AP1B1: variants seen among roughly 807,000 people sequenced by gnomAD.
AP1B1 encodes adaptor related protein complex 1 subunit beta 1, also known as AP-1 complex subunit beta-1.
AP1B1 carries 36 observed loss-of-function variants against 104.3 expected under a neutral mutation model. That is an observed-to-expected ratio of 0.35 (90% CI 0.26 to 0.46). The LOEUF (loss-of-function observed/expected upper bound fraction) is 0.46. Among genes scored for constraint, AP1B1 ranks in the 20% least tolerant of loss-of-function variants. The probability of loss-of-function intolerance (pLI) is 1.00; values close to 1 mark genes in which losing one functional copy is unlikely to be tolerated. For missense variants in AP1B1, 901 were observed against 1,247.9 expected (o/e 0.72, Z 4.19); for synonymous variants, 504 against 517.5 (o/e 0.97, Z 0.35).
Position 29,340,822 on chromosome 22 carries a change from G to A in AP1B1, c.1832C>T (p.Thr611Ile), listed in dbSNP as rs544892627. ...ESAESPETAP[T>I]GAPPGEQPDV... is the part of the protein sequence containing the mutation. ...TGGCTGCTCCCCAGGAGGTGCTCCA[G>A]TAGGGGCTGTCTCAGGGCTCTCTGC... Residue 611 changes from threonine (T) to isoleucine (I), a missense_variant, in exon 14 of 23, where the codon ACT (threonine) becomes ATT (isoleucine). Thr to Ile is a moderately conservative substitution (Grantham distance 89). Coordinates refer to ENST00000357586, the MANE Select transcript of AP1B1 (RefSeq NM_001127.4). 2 of 1,599,190 alleles carry A rather than the reference G, an allele frequency of 1.3e-6. No individual in the cohort carries two copies. The highest frequency in any genetic ancestry group is 2.3e-5 in the South Asian group (2 of 87,664).
Position 29,334,406 on chromosome 22 carries a change from C to G in AP1B1, c.2168G>C (p.Trp723Ser). The G allele has an allele frequency of 6.2e-7, 1 of 1,601,672 alleles. No homozygotes were observed. The highest frequency in any genetic ancestry group is 8.5e-7 in the Non-Finnish European group (1 of 1,176,138). Residue 723 changes from tryptophan (W) to serine (S), a missense_variant, in exon 17 of 23, where the codon TGG becomes TCG. By Grantham distance (177) the Trp-to-Ser change is radical. Around this residue, in one of 3 missense-constraint regions of AP1B1, gnomAD observed 424 missense variants for 494.0 expected, o/e 0.86. Transcript: ENST00000357586. The part of the protein sequence containing the change: ...SGSYVAPKAV[W>S]LPAMKAKGLE... ...CCCCTTAGCCTTCATGGCTGGGAGC[C>G]AGACCTGCAGGGAAGAGGGTGCGGA...
intron 2 of AP1B1, among the ~76,000 whole-genome samples, chr22:29,364,059 C>T (rs2148014029): frequency 6.6e-6 from 1 of 152,352 alleles, no homozygotes; most frequent in South Asian, 2.1e-4. Flanking sequence ...GCTACCCTCA[C>T]TCAACAAAAG....
chr22:29,345,711 G>T (rs1421038585), intron 11 of AP1B1, among the ~76,000 whole-genome samples: 1 of 152,018 alleles, frequency 6.6e-6, no homozygotes, highest in Non-Finnish European at 1.5e-5. Context: ...CTGAGATGGA[G>T]TCTTGGTCTG....
At chr22:29,387,132 A>G (rs1278475770) in intron 1 of AP1B1, among the ~76,000 whole-genome samples, 2 of 152,190 alleles carry the variant, frequency 1.3e-5, no homozygotes, top group African/African-American at 4.8e-5. Flanking sequence ...ACTGTTCCCT[A>G]AAGTCAGGAA....
chr22:29,371,941 C>T (rs1297642905), intron 1 of AP1B1, among the ~76,000 whole-genome samples: 1 of 152,122 alleles, frequency 6.6e-6, no homozygotes, highest in African/African-American at 2.4e-5. Flanking sequence ...CCAAGAAATG[C>T]CTCAAGGGGA....
chr22:29,354,553 G>C, intron 7 of AP1B1, 97 bp downstream of exon 7: 1 of 1,184,212 alleles, frequency 8.4e-7, no homozygotes, highest in Non-Finnish European at 1.2e-6. Context: ...GAGACTTCCT[G>C]CATGGTGACA....
At chr22:29,376,919 G>T (rs750035323) in intron 1 of AP1B1, among the ~76,000 whole-genome samples, 2 of 152,074 alleles carry the variant, frequency 1.3e-5, no homozygotes, top group Non-Finnish European at 2.9e-5. Context: ...GAAAGGGGCC[G>T]GGCATGCTGG....
rs573453693 is a variant in AP1B1, at chr22:29,331,710, C to T, written c.2439+77G>A. 1.9e-3 allele frequency: 3,019 copies of T among 1,611,640 alleles called. 2 individuals carry two copies. The highest frequency in any genetic ancestry group is 2.4e-3 in the Non-Finnish European group (2,805 of 1,177,904). Reference sequence around the variant, plus strand: ...AGCTAAGAGCATGACTCCGCAGACACGACCTTCTACTGACCCCAGTGGGGC... The same window carrying T: ...AGCTAAGAGCATGACTCCGCAGACATGACCTTCTACTGACCCCAGTGGGGC... On this transcript the variant is annotated intron_variant, in intron 18 of 22. Transcript: ENST00000357586.
intron 11 of AP1B1, among the ~76,000 whole-genome samples, chr22:29,347,879 C>T (rs2061816265): frequency 6.6e-6 from 1 of 152,226 alleles, no homozygotes; most frequent in African/African-American, 2.4e-5. Flanking sequence ...TCCAGCTATG[C>T]CTGCAGATGT....
At position 29,335,988 on chromosome 22, in the gene AP1B1, C is replaced by T. The variant is rs1475810998; in HGVS notation, c.2164-1578G>A. Among the ~76,000 whole-genome samples the T allele has an allele frequency of 4.6e-5, 7 of 152,338 alleles. 1 individual carries two copies. In the South Asian group the frequency reaches 1.5e-3, roughly 32 times the overall value. On this transcript the variant is annotated intron_variant, in intron 16 of 22. Coordinates refer to ENST00000357586, the MANE Select transcript of AP1B1 (RefSeq NM_001127.4). ...CCCAATCAGGCCTCCTTTCCCCTGG[C>T]CCTCTCTCAGTCGCCCAAGGCTGGG...
At chr22:29,383,690 C>CAAAAAA (rs35180572) in intron 1 of AP1B1, among the ~76,000 whole-genome samples, 1 of 89,806 alleles carries the variant, frequency 1.1e-5, no homozygotes, top group Non-Finnish European at 2.2e-5. Context: ...GACTCCGTCT[C>CAAAAAA]AAAAAAAAAA....
chr22:29,382,965 C>A (rs948722073), intron 1 of AP1B1, among the ~76,000 whole-genome samples: 3 of 152,120 alleles, frequency 2.0e-5, no homozygotes, highest in South Asian at 2.1e-4. Flanking sequence ...GGCTGCTATG[C>A]CTTTTGTTTC....
rs200943311 is a variant in AP1B1, at chr22:29,341,541, G to A, written c.1756C>T (p.Arg586Trp). The A allele has an allele frequency of 1.7e-5, 28 of 1,613,958 alleles. No individual in the cohort carries two copies. The highest frequency in any genetic ancestry group is 2.0e-5 in the Non-Finnish European group (24 of 1,179,988). The change falls in exon 13 of 23, where the codon CGG becomes TGG. Residue 586 changes from arginine (R) to tryptophan (W), a missense_variant. Physicochemically the swap from Arg to Trp is moderately radical, Grantham distance 101. Transcript: ENST00000357586. Reference sequence around the variant, plus strand: ...GGCAGGCTCTTGTGCACGACGCCCCGGCCCCCCTCCACAAAGGCACTGGGA... The same window carrying A: ...GGCAGGCTCTTGTGCACGACGCCCCAGCCCCCCTCCACAAAGGCACTGGGA... ...KPPSAFVEGG[R>W]GVVHKSLPPR...
intron 6 of AP1B1, 23 bp downstream of exon 6, chr22:29,356,403 C>G: frequency 1.3e-6 from 2 of 1,593,384 alleles, no homozygotes; most frequent in South Asian, 1.1e-5. Context: ...GCTGGGCTGG[C>G]AAGCAACGGG....
At position 29,340,868 on chromosome 22, in the gene AP1B1, A is replaced by T. The variant is rs2061704405; in HGVS notation, c.1797-11T>A. 6.3e-7 allele frequency: 1 copy of T among 1,584,540 alleles called. No individual in the cohort carries two copies. The highest frequency in any genetic ancestry group is 1.9e-5 in the Admixed American group (1 of 53,870). ...TCTGCGCTCTCACTCCTGCCGGGAC[A>T]CAGAAGTAGGGTGGAGGCATCAGGA... On this transcript the variant is annotated splice_polypyrimidine_tract_variant and intron_variant, in intron 13 of 22. Transcript: ENST00000357586.
intron 1 of AP1B1, among the ~76,000 whole-genome samples, chr22:29,379,392 T>C (rs2062401715): frequency 6.6e-6 from 1 of 152,170 alleles, no homozygotes; most frequent in Admixed American, 6.5e-5. Context: ...TGAACAATAC[T>C]TAAATTAATC....
intron 19 of AP1B1, among the ~76,000 whole-genome samples, chr22:29,330,970 CCTCGGTGAGCAGCCTG>C (rs1485981577): frequency 2.0e-5 from 3 of 152,214 alleles, no homozygotes; most frequent in African/African-American, 7.2e-5. Flanking sequence ...CCTTCCTCCT[CCTCGGTGAGCAGCCTG>C]CTCGTTAGTC....
intron 2 of AP1B1, among the ~76,000 whole-genome samples, chr22:29,364,469 A>G (rs2062099867): frequency 6.6e-6 from 1 of 152,170 alleles, no homozygotes; most frequent in Non-Finnish European, 1.5e-5. Context: ...CCCATGCTGG[A>G]GTGCAGTGGC....
At chr22:29,379,764 T>C (rs1414523415) in intron 1 of AP1B1, among the ~76,000 whole-genome samples, 1 of 151,810 alleles carries the variant, frequency 6.6e-6, no homozygotes, top group Admixed American at 6.6e-5. Context: ...GAGGCAAGAG[T>C]GGAGGTGGCA....
Sources: allele counts gnomAD v4.1 joint callset (sites outside exome capture counted in the v4.1 genomes callset), GRCh38; gene constraint gnomAD v4.1.1; regional missense constraint gnomAD v4.1.1; transcripts MANE v1.5; gene names NCBI Gene and HGNC (gene_info 2026-07-23, HGNC 2026-07-21).